Variants in NCKAP1 observed in about 807,000 individuals in gnomAD.
The protein encoded by NCKAP1 is nck-associated protein 1.
In NCKAP1, 21 loss-of-function variants were observed where a neutral mutation model predicts 151.2. The observed-to-expected ratio is 0.14, with a 90% CI of 0.10 to 0.20. The LOEUF is 0.20. NCKAP1 is among the 10% of genes least tolerant of loss of function. NCKAP1 has a pLI of 1.00. For synonymous variants in NCKAP1, 484 were observed against 451.8 expected, an observed-to-expected ratio of 1.07 and a Z score of -0.90; for missense variants, 933 against 1,352.1, an observed-to-expected ratio of 0.69 and a Z score of 4.86.
At chr2:183,028,651 G>A (rs1051013180) in intron 1 of NCKAP1, among the ~76,000 whole-genome samples, 2 of 151,010 alleles carry the variant, frequency 1.3e-5, no homozygotes, top group Non-Finnish European at 2.9e-5. Flanking sequence ...TACTGCATAG[G>A]GTACACTGTT....
At chr2:183,031,308 T>C (rs1180002370) in intron 1 of NCKAP1, among the ~76,000 whole-genome samples, 1 of 152,252 alleles carries the variant, frequency 6.6e-6, no homozygotes, top group Non-Finnish European at 1.5e-5. Flanking sequence ...CTGTTGCCTT[T>C]AAACAGTTTT....
chr2:182,994,546 C>T (rs373567128), intron 8 of NCKAP1, among the ~76,000 whole-genome samples: 10 of 151,740 alleles, frequency 6.6e-5, no homozygotes, highest in East Asian at 3.9e-4. Flanking sequence ...GGCTGAGACA[C>T]GAGAACTGCT....
intron 2 of NCKAP1, among the ~76,000 whole-genome samples, chr2:183,015,001 G>A (rs1698657188): frequency 6.6e-6 from 1 of 152,130 alleles, no homozygotes; most frequent in African/African-American, 2.4e-5. Context: ...TGAAGAGTAT[G>A]GAAAAATGAC....
chr2:182,938,591 T>G (rs544146629), intron 24 of NCKAP1, among the ~76,000 whole-genome samples: 1 of 151,756 alleles, frequency 6.6e-6, no homozygotes, highest in South Asian at 2.1e-4. Context: ...AGTCAAAAAG[T>G]TTCAAAGTAA....
chr2:183,031,600 G>A (rs1453182711), intron 1 of NCKAP1, among the ~76,000 whole-genome samples: 1 of 152,084 alleles, frequency 6.6e-6, no homozygotes, highest in Non-Finnish European at 1.5e-5. Flanking sequence ...CATTTATTAA[G>A]TGTCCACTAT....
At chr2:182,952,207 C>T (rs1697229472) in intron 23 of NCKAP1, among the ~76,000 whole-genome samples, 198 bp downstream of exon 23, 1 of 152,138 alleles carries the variant, frequency 6.6e-6, no homozygotes, top group South Asian at 2.1e-4. Context: ...TTTCGCTTTC[C>T]ATTTTCTCAC....
intron 1 of NCKAP1, among the ~76,000 whole-genome samples, chr2:183,028,044 G>T (rs755485915): frequency 1.3e-5 from 2 of 151,998 alleles, no homozygotes; most frequent in African/African-American, 2.4e-5. Context: ...TTACCAGAAA[G>T]ACGTAATCAA....
chr2:183,019,928 T>C lies in NCKAP1; in HGVS notation c.219+3878A>G, dbSNP rs572329874. Among the ~76,000 whole-genome samples, 6 of 152,208 alleles carry C rather than the reference T, an allele frequency of 3.9e-5. No homozygotes were observed. The South Asian group carries it at 1.2e-3, about 32-fold the overall frequency. On this transcript the variant is annotated intron_variant, in intron 2 of 30. Coordinates refer to ENST00000361354, the MANE Select transcript of NCKAP1 (RefSeq NM_013436.5). ...AATGACTCAACAGAGTCCAACATCATCACTGTAGAAGTCATGTTGTGTACC... is the reference window on the plus strand; with the variant it reads ...AATGACTCAACAGAGTCCAACATCACCACTGTAGAAGTCATGTTGTGTACC...
At chr2:183,021,268 T>C (rs1478720931) in intron 2 of NCKAP1, among the ~76,000 whole-genome samples, 4 of 152,114 alleles carry the variant, frequency 2.6e-5, no homozygotes, top group African/African-American at 9.7e-5. Flanking sequence ...ATGAATAAAA[T>C]GTGGTATATC....
chr2:182,989,669 G>A (rs1192477201), intron 8 of NCKAP1, among the ~76,000 whole-genome samples: 6 of 152,046 alleles, frequency 3.9e-5, no homozygotes, highest in Non-Finnish European at 8.8e-5. Flanking sequence ...TCGAGGTTGC[G>A]CCACTGCACT....
intron 6 of NCKAP1, among the ~76,000 whole-genome samples, chr2:182,996,738 G>A (rs538097385): frequency 2.2e-4 from 34 of 152,168 alleles, no homozygotes; most frequent in Non-Finnish European, 4.4e-4. Flanking sequence ...TTACAGGCGT[G>A]AGCCACCACG....
At chr2:182,953,903 G>GT (rs1559080176) in intron 20 of NCKAP1, among the ~76,000 whole-genome samples, 1 of 152,088 alleles carries the variant, frequency 6.6e-6, no homozygotes, top group Non-Finnish European at 1.5e-5. Context: ...TATAAAGAGG[G>GT]TTTTACAAAT....
intron 2 of NCKAP1, among the ~76,000 whole-genome samples, chr2:183,014,705 G>A (rs2105886943): frequency 6.6e-6 from 1 of 152,194 alleles, no homozygotes; most frequent in South Asian, 2.1e-4. Flanking sequence ...TTCAATCTTG[G>A]CAATTAACTT....
rs1411988125 is a variant in NCKAP1 at position 182,925,375 on chromosome 2, A to G, written c.*327T>C. ...ATATCACTATCTAAAATAATCACTAAATACAGTTCTTTTTCAGAAATAAAC... is the reference window on the plus strand; with the variant it reads ...ATATCACTATCTAAAATAATCACTAGATACAGTTCTTTTTCAGAAATAAAC... On this transcript the variant is annotated 3_prime_UTR_variant, in exon 31 of 31. Transcript: ENST00000361354. 6.3e-6 allele frequency: 1 copy of G among 158,648 alleles called. No individual in the cohort carries two copies. Among genetic ancestry groups the G allele is most frequent in the East Asian group, 1.8e-4 (1 of 5,540 alleles). 9.8% of individuals were successfully genotyped at this position (158,648 alleles called of 1,614,324 possible).
intron 18 of NCKAP1, among the ~76,000 whole-genome samples, chr2:182,960,306 G>A (rs1242688923): frequency 6.6e-6 from 1 of 152,156 alleles, no homozygotes; most frequent in African/African-American, 2.4e-5. Context: ...AAAGCCGGAG[G>A]CATCACGCTA....
At chr2:182,973,945 T>A (rs982136897) in intron 15 of NCKAP1, among the ~76,000 whole-genome samples, 2 of 152,176 alleles carry the variant, frequency 1.3e-5, no homozygotes, top group African/African-American at 4.8e-5. Context: ...TCTTTCAGAT[T>A]TTCAGCTGCT....
Position 182,978,900 on chromosome 2 carries a change from G to T in NCKAP1, c.1357C>A (p.Pro453Thr), listed in dbSNP as rs1325382762. ...GACATGATGATTGATTCATCTTCAG[G>T]GCAAACAGAAAGATTCTGAAAAACA... ...NELVQNLSVC[P>T]EDESIIMSSF... Residue 453 changes from proline to threonine, a missense_variant, in exon 14 of 31, where the codon CCT becomes ACT. Pro to Thr is a conservative substitution (Grantham distance 38, BLOSUM62 -1). This residue lies in a region of NCKAP1 where 607 missense variants were observed against 795.0 expected (regional missense o/e 0.76). Coordinates refer to ENST00000361354, the MANE Select transcript of NCKAP1 (RefSeq NM_013436.5). The T allele has an allele frequency of 6.2e-7, 1 of 1,606,868 alleles. No homozygotes were observed. Among genetic ancestry groups the T allele is most frequent in the Non-Finnish European group, 8.5e-7 (1 of 1,175,542 alleles).
intron 18 of NCKAP1, among the ~76,000 whole-genome samples, chr2:182,958,955 T>C (rs767916410): frequency 3.9e-5 from 6 of 152,218 alleles, no homozygotes; most frequent in Non-Finnish European, 7.3e-5. Flanking sequence ...TATGATTACA[T>C]GCTGACATAA....
chr2:183,015,560 C>T (rs1192523064), intron 2 of NCKAP1, among the ~76,000 whole-genome samples: 1 of 151,358 alleles, frequency 6.6e-6, no homozygotes, highest in African/African-American at 2.4e-5. Flanking sequence ...AGGCTTATAA[C>T]TATAATTTCA....
Sources: gnomAD v4.1 joint callset for allele counts (sites outside exome capture counted in the v4.1 genomes callset) on GRCh38, gnomAD v4.1.1 for gene constraint, gnomAD v4.1.1 regional missense constraint, MANE v1.5 for transcripts, NCBI Gene and HGNC (gene_info 2026-07-23, HGNC 2026-07-21) for gene names.